Variants in FXR2 observed in about 807,000 individuals in gnomAD.
The protein encoded by FXR2 is RNA-binding protein FXR2.
Under a neutral mutation model 87.3 loss-of-function variants are expected in FXR2, and 9 were observed. That is an observed-to-expected ratio of 0.10 (90% CI 0.06 to 0.18). The LOEUF is 0.18. Among genes scored for constraint, FXR2 ranks in the 10% least tolerant of loss-of-function variants. The pLI is 1.00. For missense variants in FXR2, 661 were observed against 893.6 expected (o/e 0.74, Z 3.32); for synonymous variants, 331 against 328.3 (o/e 1.01, Z -0.09).
chr17:7,610,445 A>G (rs1255061623), intron 1 of FXR2, among the ~76,000 whole-genome samples: 1 of 152,076 alleles, frequency 6.6e-6, no homozygotes, highest in Non-Finnish European at 1.5e-5. Context: ...GAGCAGCAAT[A>G]TTACCCTAGT....
chr17:7,613,192 G>T (rs1365329492), intron 1 of FXR2, among the ~76,000 whole-genome samples: 1 of 151,464 alleles, frequency 6.6e-6, no homozygotes, highest in East Asian at 1.9e-4. Flanking sequence ...GGCCTGAGGG[G>T]AACTGAAGGA....
Position 7,593,432 on chromosome 17 carries a change from C to T in FXR2, c.1301G>A (p.Arg434His), listed in dbSNP as rs916528773. 10 of 1,582,134 alleles carry T rather than the reference C, an allele frequency of 6.3e-6. No individual in the cohort carries two copies. Among genetic ancestry groups the T allele is most frequent in the South Asian group, 1.2e-5 (1 of 86,564 alleles). The change falls in exon 12 of 17, where the codon CGT becomes CAT. Residue 434 changes from arginine (R) to histidine (H), a missense_variant. Arg to His is a conservative substitution (Grantham distance 29, BLOSUM62 0). Transcript: ENST00000250113. The surrounding 1 kb of genome is among the most constrained non-coding windows in gnomAD (Gnocchi z 6.1). ...GGCAGGACCGCCTGTCCTCCGGCCA[C>T]GGCCACGGCCCCCATAGCTGCCCCC... is the stretch of plus-strand genomic sequence containing the variant. Reference protein sequence around the residue: ...TYGGSYGGRGRGRRTGGPAYG... With the variant: ...TYGGSYGGRGHGRRTGGPAYG...
At chr17:7,611,599 C>T (rs568301902) in intron 1 of FXR2, among the ~76,000 whole-genome samples, 1 of 151,956 alleles carries the variant, frequency 6.6e-6, no homozygotes, top group East Asian at 1.9e-4. Flanking sequence ...ACCTGGGAGG[C>T]GGAGGCTGCA....
chr17:7,613,960 G>T (rs1324813800), intron 1 of FXR2: 5 of 442,692 alleles, frequency 1.1e-5, no homozygotes, highest in South Asian at 6.3e-5. Flanking sequence ...GATGAAAGTG[G>T]GGTGAGTGTT....
Position 7,593,515 on chromosome 17 carries a change from C to T in FXR2, c.1218G>A (p.Lys406=). The change falls in exon 12 of 17, where the codon AAG becomes AAA. Residue 406 remains lysine, a synonymous_variant. Transcript: ENST00000250113. The surrounding 1 kb of genome is among the most constrained non-coding windows in gnomAD (Gnocchi z 6.1). ...AGCTCTCATCAGTGCTATATCCAGCCTTGTCGCTGCCACCGCTGCCCCGCC... is the reference window on the plus strand; with the variant it reads ...AGCTCTCATCAGTGCTATATCCAGCTTTGTCGCTGCCACCGCTGCCCCGCC... ...GSGRGSGGSD[K]AGYSTDESSS... is the part of the protein sequence containing the mutation. 1 of 1,587,692 alleles carries T rather than the reference C, an allele frequency of 6.3e-7. No individual in the cohort carries two copies. The highest frequency in any genetic ancestry group is 2.3e-5 in the East Asian group (1 of 43,838).
chr17:7,593,555 C>T lies in FXR2; in HGVS notation c.1178G>A (p.Arg393His), dbSNP rs762687266. 5.6e-6 allele frequency: 9 copies of T among 1,596,264 alleles called. No individual in the cohort carries two copies. Among genetic ancestry groups the T allele is most frequent in the African/African-American group, 2.7e-5 (2 of 74,652 alleles). ...GCTGCCCCGCCCACTCCCAGGAGGG[C>T]GAAAGCCCAGCCCAATCTGCCGAAG... ...EQLRQIGLGF[R>H]PPGSGRGSGG... The change falls in exon 12 of 17, where the codon CGC becomes CAC. Residue 393 changes from arginine (R) to histidine (H), a missense_variant. Arg to His is a conservative substitution (Grantham distance 29). Around this residue, in one of 3 missense-constraint regions of FXR2, gnomAD observed 409 missense variants for 432.0 expected, o/e 0.95. Coordinates refer to ENST00000250113, the MANE Select transcript of FXR2 (RefSeq NM_004860.4). This position sits in a 1 kb window ranked among gnomAD's most constrained non-coding sequence, Gnocchi z 6.1.
chr17:7,605,324 C>T (rs181991768), intron 3 of FXR2, among the ~76,000 whole-genome samples: 11 of 151,928 alleles, frequency 7.2e-5, no homozygotes, highest in African/African-American at 1.9e-4. Flanking sequence ...GCTGAGATCG[C>T]GCCACTGCAC....
At chr17:7,611,224 C>T (rs1380013325) in intron 1 of FXR2, among the ~76,000 whole-genome samples, 1 of 151,928 alleles carries the variant, frequency 6.6e-6, no homozygotes, top group East Asian at 1.9e-4. Flanking sequence ...GTTTCAAGCT[C>T]ACGGTGAGGT....
chr17:7,604,871 G>A (rs1408875533), intron 3 of FXR2, among the ~76,000 whole-genome samples: 5 of 150,978 alleles, frequency 3.3e-5, no homozygotes, highest in Non-Finnish European at 5.9e-5. Flanking sequence ...ATAGGCGCCC[G>A]CCACCACGCC....
intron 1 of FXR2, among the ~76,000 whole-genome samples, chr17:7,610,049 C>CATGTATATGTAT (rs1567754155): frequency 0.19 from 6,743 of 35,234 alleles, 426 homozygotes; most frequent in African/African-American, 0.33. Flanking sequence ...TATATATATA[C>CATGTATATGTAT]ACACACACAC....
Position 7,593,195 on chromosome 17 carries a change from TG to T in FXR2, c.1331-15del, listed in dbSNP as rs2150940155. Reference sequence around the variant, plus strand: ...CTGAGCTGGGGCCTGAAGAACACAATGGGATTTATTCACGGCCATTCATCCC... The same window carrying T: ...CTGAGCTGGGGCCTGAAGAACACAATGGATTTATTCACGGCCATTCATCCC... On this transcript the variant is annotated splice_polypyrimidine_tract_variant and intron_variant, in intron 12 of 16. Transcript: ENST00000250113. This position sits in a 1 kb window ranked among gnomAD's most constrained non-coding sequence, Gnocchi z 6.1. 6 of 1,507,406 alleles carry T rather than the reference TG, an allele frequency of 4.0e-6. No individual in the cohort carries two copies. The East Asian group carries it at 1.4e-4, about 34-fold the overall frequency. The allele number at this position is 1,507,406 out of a possible 1,614,324, so 93.4% of individuals were successfully genotyped here. A position where few individuals can be genotyped will look rare whatever the true frequency, so the allele number is the denominator to read the frequency against.
chr17:7,611,130 G>A (rs1359935999), intron 1 of FXR2, among the ~76,000 whole-genome samples: 2 of 152,150 alleles, frequency 1.3e-5, no homozygotes, highest in African/African-American at 4.8e-5. Flanking sequence ...CTTCATTTGG[G>A]AGAGTACAAC....
At chr17:7,609,427 C>G in intron 1 of FXR2, among the ~76,000 whole-genome samples, 1 of 152,134 alleles carries the variant, frequency 6.6e-6, no homozygotes, top group East Asian at 1.9e-4. Flanking sequence ...ACTGAATGTT[C>G]TTTCTTAGAG....
chr17:7,602,231 G>A (rs1006707664), intron 6 of FXR2, among the ~76,000 whole-genome samples: 12 of 152,170 alleles, frequency 7.9e-5, no homozygotes, highest in Non-Finnish European at 1.6e-4. Context: ...AGACCAGCCT[G>A]ACCAATATGG....
rs1212267382 is a variant in FXR2, at chr17:7,604,096, G to A, written c.229-16C>T. ...GAGAATAAACCTAAAGAAAAGTAGA[G>A]AATCAAAGAGATATTGAAGACCACC... On this transcript the variant is annotated splice_polypyrimidine_tract_variant and intron_variant, in intron 3 of 16. Transcript: ENST00000250113. 2.6e-6 allele frequency: 4 copies of A among 1,545,812 alleles called. No homozygotes were observed. The African/African-American group carries it at 5.5e-5, about 21-fold the overall frequency.
intron 1 of FXR2, 122 bp from the exon 2 acceptor site, chr17:7,606,271 TGTAATGAGACA>T: frequency 1.5e-6 from 1 of 654,648 alleles, no homozygotes; most frequent in Non-Finnish European, 2.7e-6. Context: ...ACACAAGTGG[TGTAATGAGACA>T]GCCTGAAAGG....
chr17:7,602,153 G>A (rs1048264104), intron 6 of FXR2, among the ~76,000 whole-genome samples: 6 of 152,302 alleles, frequency 3.9e-5, no homozygotes, highest in Admixed American at 2.0e-4. Flanking sequence ...GCCGGGCGTG[G>A]TGGCTCACGC....
intron 5 of FXR2, 135 bp from the exon 6 acceptor site, chr17:7,603,137 A>G: frequency 1.8e-6 from 1 of 556,640 alleles, no homozygotes; most frequent in East Asian, 3.0e-5. Context: ...ACTTGAAGTC[A>G]GGAGTTCAAG....
chr17:7,593,471 G>T lies in FXR2; in HGVS notation c.1262C>A (p.Ala421Glu). The T allele has an allele frequency of 6.3e-7, 1 of 1,589,718 alleles. No individual in the cohort carries two copies. ...ATAGCTGCCCCCATAGGTTCGAGTC[G>T]CATGGAGGGAGGAGGAGGAGCTCTC... is the stretch of plus-strand genomic sequence containing the variant. The part of the protein sequence containing the change: ...TDESSSSSLH[A>E]TRTYGGSYGG... The change falls in exon 12 of 17, where the codon GCG becomes GAG. Residue 421 changes from alanine to glutamate, a missense_variant. Around this residue, in one of 3 missense-constraint regions of FXR2, gnomAD observed 409 missense variants for 432.0 expected, o/e 0.95. Transcript: ENST00000250113. The surrounding 1 kb of genome is among the most constrained non-coding windows in gnomAD (Gnocchi z 6.1).
Sources: allele counts gnomAD v4.1 joint callset (sites outside exome capture counted in the v4.1 genomes callset), GRCh38; gene constraint gnomAD v4.1.1; regional missense constraint gnomAD v4.1.1; non-coding constraint Gnocchi (gnomAD v3.1); transcripts MANE v1.5; gene names NCBI Gene and HGNC (gene_info 2026-07-23, HGNC 2026-07-21).